The following ATRNL1 variants were observed in gnomAD, a reference collection of about 807,000 sequenced individuals.
ATRNL1 encodes the protein attractin like 1.
A neutral mutation model predicts 182.7 loss-of-function variants in ATRNL1; 95 were observed. That is an observed-to-expected ratio of 0.52 (90% CI 0.44 to 0.62). The LOEUF is 0.62. ATRNL1 is among the 20% of genes least tolerant of loss of function. ATRNL1 has a pLI of 0.00. For missense variants in ATRNL1, 1,471 were observed against 1,679.5 expected (o/e 0.88, Z 2.17); for synonymous variants, 576 against 568.3 (o/e 1.01, Z -0.19).
At chr10:115,817,503 T>C (rs1950191700) in intron 27 of ATRNL1, among the ~76,000 whole-genome samples, 1 of 152,048 alleles carries the variant, frequency 6.6e-6, no homozygotes, top group African/African-American at 2.4e-5. Context: ...CTGAAAGTCA[T>C]TTACAATCTA....
In ATRNL1 at chr10:115,651,223, G is replaced by A. The variant is rs368485806; in HGVS notation, c.3796-76025G>A. 2.7e-4 allele frequency among the ~76,000 whole-genome samples: 41 copies of A among 152,176 alleles called. No individual in the cohort carries two copies. In the East Asian group the frequency reaches 2.7e-3, roughly 10 times the overall value. On this transcript the variant is annotated intron_variant, in intron 26 of 28. Coordinates refer to ENST00000355044, the MANE Select transcript of ATRNL1 (RefSeq NM_207303.4). ...AGTCTTTTTATTCATGCTACTAGACGTGGAGTGAGAGAAGAGAACAAGGGC... is the reference window on the plus strand; with the variant it reads ...AGTCTTTTTATTCATGCTACTAGACATGGAGTGAGAGAAGAGAACAAGGGC...
At chr10:115,544,383 G>A (rs998798118) in intron 25 of ATRNL1, among the ~76,000 whole-genome samples, 1 of 152,180 alleles carries the variant, frequency 6.6e-6, no homozygotes, top group Non-Finnish European at 1.5e-5. Context: ...ATAAAGAAAA[G>A]AGTTTAATTG....
At chr10:115,153,456 AG>A (rs2143929167) in intron 5 of ATRNL1, among the ~76,000 whole-genome samples, 1 of 152,326 alleles carries the variant, frequency 6.6e-6, no homozygotes, top group South Asian at 2.1e-4. Context: ...GTATGTGTCC[AG>A]GAATTTATCC....
At chr10:115,934,028 A>C (rs1953482177) in intron 28 of ATRNL1, among the ~76,000 whole-genome samples, 1 of 152,100 alleles carries the variant, frequency 6.6e-6, no homozygotes, top group South Asian at 2.1e-4. Context: ...ATGGGAACAA[A>C]GTGTTTTAGA....
intron 21 of ATRNL1, among the ~76,000 whole-genome samples, chr10:115,427,965 T>A (rs1845980799): frequency 2.0e-5 from 3 of 152,046 alleles, no homozygotes; most frequent in Non-Finnish European, 2.9e-5. Flanking sequence ...AAAATTGCTA[T>A]AATTTGTTTT....
rs183958667 is a variant in ATRNL1, at chr10:115,255,746, C to T, written c.1688-9447C>T. On this transcript the variant is annotated intron_variant, in intron 10 of 28. Coordinates refer to ENST00000355044, the MANE Select transcript of ATRNL1 (RefSeq NM_207303.4). Reference sequence around the variant, plus strand: ...TCAAAGGGAATGCTTCCAGGTTTTGCCCATTCAGTATGATACTGGCTGTGG... The same window carrying T: ...TCAAAGGGAATGCTTCCAGGTTTTGTCCATTCAGTATGATACTGGCTGTGG... 2.6e-5 allele frequency among the ~76,000 whole-genome samples: 4 copies of T among 152,258 alleles called. No individual in the cohort carries two copies. The East Asian group carries it at 7.7e-4, about 29-fold the overall frequency.
chr10:115,573,471 T>C (rs1269899510), intron 26 of ATRNL1, among the ~76,000 whole-genome samples: 1 of 151,770 alleles, frequency 6.6e-6, no homozygotes, highest in Non-Finnish European at 1.5e-5. Flanking sequence ...GGGGGTAGGA[T>C]AGGGAGTGTG....
chr10:115,385,361 C>T (rs1207286418), intron 19 of ATRNL1, among the ~76,000 whole-genome samples: 4 of 151,920 alleles, frequency 2.6e-5, no homozygotes, highest in African/African-American at 9.7e-5. Context: ...TCTGCTTGTG[C>T]GTATGAAGTA....
intron 26 of ATRNL1, among the ~76,000 whole-genome samples, chr10:115,584,385 C>G (rs1204810461): frequency 7.5e-6 from 1 of 134,130 alleles, no homozygotes; most frequent in African/African-American, 2.6e-5. Context: ...GTCCTAGACT[C>G]TTTTTGGTTG....
chr10:115,512,619 A>G (rs111907788), intron 24 of ATRNL1, among the ~76,000 whole-genome samples: 2,983 of 151,930 alleles, frequency 0.02, 67 homozygotes, highest in East Asian at 0.12. Context: ...CTACTGTTCT[A>G]GTCATTGGAA....
At chr10:115,828,313 G>A (rs961109174) in intron 27 of ATRNL1, among the ~76,000 whole-genome samples, 10 of 148,108 alleles carry the variant, frequency 6.8e-5, no homozygotes, top group African/African-American at 2.1e-4. Context: ...GCAAAACTCC[G>A]TCTCAAAAAA....
chr10:115,816,603 A>G (rs1359478503), intron 27 of ATRNL1, among the ~76,000 whole-genome samples: 1 of 103,044 alleles, frequency 9.7e-6, no homozygotes, highest in Middle Eastern at 4.2e-3. Context: ...CACACTTATA[A>G]GGACACACAC....
In ATRNL1 at chr10:115,111,672, C is replaced by T. The variant is rs1391531184; in HGVS notation, c.294-8513C>T. Among the ~76,000 whole-genome samples the T allele has an allele frequency of 3.3e-5, 5 of 152,140 alleles. No homozygotes were observed. In the East Asian group the frequency reaches 9.6e-4, roughly 29 times the overall value. The stretch of plus-strand genomic sequence containing the variant: ...GGGATCTGCCTCCATGACCCAAACT[C>T]TTCTCAGTAGGCCTCACCTCTGACA... On this transcript the variant is annotated intron_variant, in intron 1 of 28. Transcript: ENST00000355044.
Position 115,423,705 on chromosome 10 carries a change from G to A in ATRNL1, c.3270-2545G>A, listed in dbSNP as rs12220792. Among the ~76,000 whole-genome samples the A allele has an allele frequency of 7.9e-3, 1,202 of 152,152 alleles. 14 individuals are homozygous for A. The highest frequency in any genetic ancestry group is 0.069 in the East Asian group (359 of 5,182). On this transcript the variant is annotated intron_variant, in intron 20 of 28. Transcript: ENST00000355044. ...GATAATATTTTCTTTAATAAGTGAT[G>A]CTGGGAAAAAGTTTCATTAAGAAGA...
chr10:115,452,611 A>T lies in ATRNL1; in HGVS notation c.3323-9330A>T, dbSNP rs79527443. The stretch of plus-strand genomic sequence containing the variant: ...CCACAATTTGATAAATTAGGAAATA[A>T]TTATACATCTATGAAACCATCAGCA... On this transcript the variant is annotated intron_variant, in intron 21 of 28. Transcript: ENST00000355044. Among the ~76,000 whole-genome samples, 1,213 of 152,290 alleles carry T rather than the reference A, an allele frequency of 8.0e-3. 17 individuals carry two copies. Among genetic ancestry groups the T allele is most frequent in the African/African-American group, 0.027 (1,120 of 41,572 alleles).
chr10:115,872,205 T>A (rs1412068530), intron 28 of ATRNL1, among the ~76,000 whole-genome samples: 1 of 152,208 alleles, frequency 6.6e-6, no homozygotes, highest in African/African-American at 2.4e-5. Flanking sequence ...AAGAATACAT[T>A]TGCTTCCTAG....
chr10:115,582,213 A>G lies in ATRNL1; in HGVS notation c.3795+32677A>G, dbSNP rs1193031862. Among the ~76,000 whole-genome samples the G allele has an allele frequency of 5.3e-5, 8 of 150,022 alleles. 1 individual carries two copies. The highest frequency in any genetic ancestry group is 2.0e-4 in the African/African-American group (8 of 40,886). On this transcript the variant is annotated intron_variant, in intron 26 of 28. Transcript: ENST00000355044. ...AGTGCCGCAGTAAACATACGTGTGC[A>G]CGTGTCTTTATAGCAGCATGATTTA...
At chr10:115,279,069 G>A (rs1852235075) in intron 13 of ATRNL1, among the ~76,000 whole-genome samples, 1 of 151,872 alleles carries the variant, frequency 6.6e-6, no homozygotes. Context: ...GGGTGTGGTG[G>A]TGGGCGCCTG....
chr10:115,771,919 A>C (rs1323438047), intron 27 of ATRNL1, among the ~76,000 whole-genome samples: 1 of 152,214 alleles, frequency 6.6e-6, no homozygotes, highest in Non-Finnish European at 1.5e-5. Flanking sequence ...GAGATGTTTT[A>C]GACAGCTTAA....
Sources: gnomAD v4.1 joint callset for allele counts (sites outside exome capture counted in the v4.1 genomes callset) on GRCh38, gnomAD v4.1.1 for gene constraint, MANE v1.5 for transcripts, NCBI Gene and HGNC (gene_info 2026-07-23, HGNC 2026-07-21) for gene names.